Variants in PSD3 observed in about 807,000 individuals in gnomAD.
The protein encoded by PSD3 is pleckstrin and Sec7 domain containing 3.
PSD3 carries 49 observed loss-of-function variants against 105.5 expected under a neutral mutation model. The observed-to-expected ratio is 0.46, with a 90% confidence interval of 0.37 to 0.59. PSD3 has a LOEUF of 0.59. PSD3 is among the 20% of genes least tolerant of loss of function. The pLI, the probability that PSD3 is intolerant of heterozygous loss-of-function variation, is 0.00. For missense variants in PSD3, 1,561 were observed against 1,263.8 expected (o/e 1.24, Z -3.57); for synonymous variants, 557 against 457.8 (o/e 1.22, Z -2.77).
Position 18,871,763 on chromosome 8 carries a change from A to G in PSD3, c.1101T>C (p.Ala367=). ...TENVWDESWK[A]PSERPGTSSG... ...AGCTAGTGCCAGGCCTCTCTGAAGGAGCTTTCCAGGATTCATCCCAAACAT... is the reference window on the plus strand; with the variant it reads ...AGCTAGTGCCAGGCCTCTCTGAAGGGGCTTTCCAGGATTCATCCCAAACAT... The change falls in exon 3 of 16, where the codon GCT becomes GCC. Residue 367 remains alanine, a synonymous_variant. Coordinates refer to ENST00000327040, the MANE Select transcript of PSD3 (RefSeq NM_015310.4). The G allele has an allele frequency of 2.5e-6, 4 of 1,614,206 alleles. No individual in the cohort carries two copies. The highest frequency in any genetic ancestry group is 3.4e-6 in the Non-Finnish European group (4 of 1,180,030).
chr8:18,782,227 C>T (rs1808705013), intron 8 of PSD3, among the ~76,000 whole-genome samples: 1 of 152,018 alleles, frequency 6.6e-6, no homozygotes, highest in Admixed American at 6.6e-5. Context: ...TGGTTTCATG[C>T]TTCCTTGATT....
chr8:18,588,570 C>T (rs2717743), intron 12 of PSD3, among the ~76,000 whole-genome samples: 56,236 of 152,050 alleles, frequency 0.37, 11,251 homozygotes, highest in East Asian at 0.47. Context: ...ATTCACTCTT[C>T]ATAAATGTAT....
chr8:18,800,542 C>G (rs2129447281), intron 7 of PSD3, among the ~76,000 whole-genome samples: 1 of 152,286 alleles, frequency 6.6e-6, no homozygotes, highest in Admixed American at 6.5e-5. Flanking sequence ...TTTCCAGTCA[C>G]AAGTCAAAGT....
At chr8:18,638,181 G>C (rs1188402744) in intron 10 of PSD3, among the ~76,000 whole-genome samples, 2 of 148,764 alleles carry the variant, frequency 1.3e-5, no homozygotes, top group African/African-American at 5.0e-5. Context: ...AAAAGATTCA[G>C]TACTGTTACA....
chr8:18,691,902 T>C (rs754835044), intron 9 of PSD3, among the ~76,000 whole-genome samples: 4 of 152,244 alleles, frequency 2.6e-5, no homozygotes, highest in African/African-American at 4.8e-5. Flanking sequence ...AAAAGATTAT[T>C]TGAACAGAGA....
exon 1 of PSD3, chr8:19,084,623 T>A (rs1270344167): frequency 2.8e-6 from 1 of 350,958 alleles, no homozygotes; most frequent in South Asian, 2.1e-5. Flanking sequence ...GATGTGGGGA[T>A]CTGCAATCAC....
At chr8:19,056,187 T>C (rs1478843245) in intron 1 of PSD3, among the ~76,000 whole-genome samples, 1 of 152,178 alleles carries the variant, frequency 6.6e-6, no homozygotes, top group Non-Finnish European at 1.5e-5. Flanking sequence ...GCAGACAAAA[T>C]ATATTATTTC....
intron 11 of PSD3, among the ~76,000 whole-genome samples, chr8:18,620,004 T>C (rs1052667169): frequency 6.6e-6 from 1 of 152,072 alleles, no homozygotes; most frequent in African/African-American, 2.4e-5. Flanking sequence ...AAAAGAGACA[T>C]TTATAGTCTG....
At chr8:18,694,732 T>G (rs751918619) in intron 9 of PSD3, among the ~76,000 whole-genome samples, 8 of 152,068 alleles carry the variant, frequency 5.3e-5, no homozygotes, top group Non-Finnish European at 1.2e-4. Context: ...TCCTAGCACT[T>G]TGGGAGGCCA....
intron 2 of PSD3, among the ~76,000 whole-genome samples, chr8:18,920,521 T>G (rs1563422045): frequency 6.6e-6 from 1 of 152,188 alleles, no homozygotes; most frequent in Non-Finnish European, 1.5e-5. Flanking sequence ...AGTAAACAAC[T>G]TTTAGTAAAT....
intron 2 of PSD3, among the ~76,000 whole-genome samples, chr8:18,905,894 C>A (rs1369398641): frequency 5.9e-5 from 9 of 152,234 alleles, no homozygotes; most frequent in Middle Eastern, 3.4e-3. Flanking sequence ...GTAAATATAT[C>A]ATTTTTCAAG....
intron 1 of PSD3, among the ~76,000 whole-genome samples, chr8:18,966,788 A>T (rs1824282162): frequency 6.6e-6 from 1 of 152,098 alleles, no homozygotes; most frequent in African/African-American, 2.4e-5. Flanking sequence ...GTCATTTAAA[A>T]TCTGATTTTG....
At chr8:18,875,065 T>C (rs1304646895) in intron 2 of PSD3, among the ~76,000 whole-genome samples, 1 of 152,126 alleles carries the variant, frequency 6.6e-6, no homozygotes, top group African/African-American at 2.4e-5. Context: ...ACAACAGGCA[T>C]GCACCATCAT....
At chr8:18,828,646 C>T (rs1813423745) in intron 4 of PSD3, among the ~76,000 whole-genome samples, 1 of 151,842 alleles carries the variant, frequency 6.6e-6, no homozygotes. Context: ...ACCAATCAAT[C>T]AATCAATACA....
At chr8:18,578,813 C>T (rs1802622897) in intron 12 of PSD3, among the ~76,000 whole-genome samples, 1 of 151,830 alleles carries the variant, frequency 6.6e-6, no homozygotes, top group African/African-American at 2.4e-5. Flanking sequence ...GGAAGAACTG[C>T]ACCATTATTT....
intron 2 of PSD3, among the ~76,000 whole-genome samples, chr8:18,879,271 C>T (rs1817956611): frequency 6.6e-6 from 1 of 152,092 alleles, no homozygotes; most frequent in South Asian, 2.1e-4. Context: ...AACTTGGCAA[C>T]CGGTCAAAGA....
At chr8:18,888,253 T>A (rs1422382012) in intron 2 of PSD3, among the ~76,000 whole-genome samples, 2 of 152,068 alleles carry the variant, frequency 1.3e-5, no homozygotes, top group African/African-American at 4.8e-5. Flanking sequence ...GTAGTGGAAA[T>A]ACACCCAGAA....
intron 4 of PSD3, among the ~76,000 whole-genome samples, chr8:18,806,372 G>C (rs905605659): frequency 6.6e-6 from 1 of 152,186 alleles, no homozygotes; most frequent in Admixed American, 6.5e-5. Flanking sequence ...AACACGTTGA[G>C]AACTCCGCCC....
chr8:18,895,890 T>C (rs1819118136), intron 2 of PSD3, among the ~76,000 whole-genome samples: 2 of 152,266 alleles, frequency 1.3e-5, no homozygotes. Flanking sequence ...TATAGAATAC[T>C]AGAACTTATT....
Sources: allele counts gnomAD v4.1 joint callset (sites outside exome capture counted in the v4.1 genomes callset), GRCh38; gene constraint gnomAD v4.1.1; transcripts MANE v1.5; gene names NCBI Gene and HGNC (gene_info 2026-07-23, HGNC 2026-07-21).